The following PCDH9 variants were observed in gnomAD, a reference collection of about 807,000 sequenced individuals.
PCDH9 encodes the protein protocadherin-9.
Under a neutral mutation model 70.6 loss-of-function variants are expected in PCDH9, and 24 were observed. The ratio of observed to expected loss-of-function variants is 0.34; its 90% CI spans 0.25 to 0.48. PCDH9 has a LOEUF of 0.48. PCDH9 is among the 20% of genes least tolerant of loss of function. The pLI, the probability that PCDH9 is intolerant of heterozygous loss-of-function variation, is 0.99. For missense variants in PCDH9, 1,281 were observed against 1,503.6 expected, an observed-to-expected ratio of 0.85 and a Z score of 2.45; for synonymous variants, 562 against 558.5, an observed-to-expected ratio of 1.01 and a Z score of -0.09.
intron 2 of PCDH9, among the ~76,000 whole-genome samples, chr13:67,156,302 G>T (rs1190276014): frequency 1.3e-5 from 2 of 152,132 alleles, no homozygotes; most frequent in Non-Finnish European, 2.9e-5. Flanking sequence ...GAAGATAGAG[G>T]CAGGGGGATG....
chr13:67,172,977 A>T (rs1398395013), intron 2 of PCDH9, among the ~76,000 whole-genome samples: 3 of 152,170 alleles, frequency 2.0e-5, no homozygotes, highest in Non-Finnish European at 4.4e-5. Flanking sequence ...ACTAACTAAA[A>T]TAATGCAGAA....
At chr13:66,949,512 C>G (rs1383601649) in intron 2 of PCDH9, among the ~76,000 whole-genome samples, 1 of 151,914 alleles carries the variant, frequency 6.6e-6, no homozygotes, top group African/African-American at 2.4e-5. Context: ...ATGGAGTAGG[C>G]AGCTTATGGG....
chr13:66,963,772 T>C (rs1026872155), intron 2 of PCDH9, among the ~76,000 whole-genome samples: 4 of 152,176 alleles, frequency 2.6e-5, no homozygotes, highest in African/African-American at 9.6e-5. Flanking sequence ...AAAAACAAAA[T>C]TTAATAAGTC....
At chr13:66,985,201 A>G (rs1044182907) in intron 2 of PCDH9, among the ~76,000 whole-genome samples, 2 of 152,028 alleles carry the variant, frequency 1.3e-5, no homozygotes, top group Admixed American at 1.3e-4. Context: ...TTTATGCTCA[A>G]CCTTGACAAG....
intron 2 of PCDH9, among the ~76,000 whole-genome samples, chr13:67,121,540 A>T (rs572968592): frequency 1.3e-5 from 2 of 152,200 alleles, no homozygotes; most frequent in South Asian, 4.1e-4. Flanking sequence ...TGCCCTTTCC[A>T]CATTACTTTG....
intron 3 of PCDH9, among the ~76,000 whole-genome samples, chr13:66,837,334 A>G (rs1461010168): frequency 6.6e-6 from 1 of 152,010 alleles, no homozygotes; most frequent in African/African-American, 2.4e-5. Context: ...CTTGGTCTTC[A>G]TGAAGTAAGG....
At chr13:66,898,560 T>C (rs1566276354) in intron 3 of PCDH9, among the ~76,000 whole-genome samples, 2 of 152,024 alleles carry the variant, frequency 1.3e-5, no homozygotes, top group Admixed American at 6.6e-5. Context: ...ACTTGGGTAA[T>C]ATGACTACAT....
chr13:67,105,122 C>T (rs1836715712), intron 2 of PCDH9, among the ~76,000 whole-genome samples: 1 of 152,018 alleles, frequency 6.6e-6, no homozygotes, highest in South Asian at 2.1e-4. Context: ...TTCATTTATT[C>T]AGTATTCTAT....
intron 3 of PCDH9, among the ~76,000 whole-genome samples, chr13:66,789,946 C>T (rs537132177): frequency 6.6e-6 from 1 of 152,154 alleles, no homozygotes; most frequent in East Asian, 1.9e-4. Context: ...AGTCTAGTTA[C>T]CAATATTGTT....
chr13:66,882,292 C>A (rs1014005590), intron 3 of PCDH9, among the ~76,000 whole-genome samples: 3 of 152,146 alleles, frequency 2.0e-5, no homozygotes, highest in Non-Finnish European at 4.4e-5. Flanking sequence ...TAATGAACTT[C>A]TCCTCCATAA....
At chr13:67,082,835 A>T (rs916850783) in intron 2 of PCDH9, among the ~76,000 whole-genome samples, 6 of 152,174 alleles carry the variant, frequency 3.9e-5, no homozygotes, top group African/African-American at 1.4e-4. Context: ...CCATATACGA[A>T]TTTGTAAAGG....
intron 3 of PCDH9, among the ~76,000 whole-genome samples, chr13:66,832,761 A>G (rs187746323): frequency 6.6e-6 from 1 of 152,140 alleles, no homozygotes; most frequent in Non-Finnish European, 1.5e-5. Context: ...CAATTCAGAG[A>G]TGTTTAACCA....
At chr13:66,977,904 T>C (rs1247858844) in intron 2 of PCDH9, among the ~76,000 whole-genome samples, 1 of 152,134 alleles carries the variant, frequency 6.6e-6, no homozygotes, top group Non-Finnish European at 1.5e-5. Flanking sequence ...ATGCCGATTT[T>C]AAAGGCAAAA....
chr13:66,341,872 G>A (rs891862196), intron 4 of PCDH9, among the ~76,000 whole-genome samples: 1 of 152,152 alleles, frequency 6.6e-6, no homozygotes, highest in Non-Finnish European at 1.5e-5. Flanking sequence ...ATGTAAATAT[G>A]CACACTTGAA....
At chr13:66,419,243 C>T (rs1957519034) in intron 4 of PCDH9, among the ~76,000 whole-genome samples, 3 of 151,952 alleles carry the variant, frequency 2.0e-5, no homozygotes, top group African/African-American at 2.4e-5. Context: ...AAAGACACAA[C>T]AAAAACAGAA....
chr13:66,411,998 T>C (rs1194767410), intron 4 of PCDH9, among the ~76,000 whole-genome samples: 1 of 152,188 alleles, frequency 6.6e-6, no homozygotes, highest in Non-Finnish European at 1.5e-5. Context: ...CAAATTCTAA[T>C]GATCTACATT....
intron 4 of PCDH9, among the ~76,000 whole-genome samples, chr13:66,443,501 G>GA (rs147392144): frequency 0.011 from 1,653 of 152,068 alleles, 33 homozygotes; most frequent in African/African-American, 0.037. Context: ...CATTATAAAT[G>GA]AATTTTAAAA....
intron 2 of PCDH9, among the ~76,000 whole-genome samples, chr13:67,051,561 T>G (rs2085326670): frequency 1.3e-5 from 2 of 151,508 alleles, no homozygotes; most frequent in Admixed American, 1.3e-4. Context: ...CCCAGCTAAT[T>G]TTTTGTATTT....
intron 3 of PCDH9, among the ~76,000 whole-genome samples, chr13:66,640,157 A>G (rs999690627): frequency 6.6e-6 from 1 of 152,218 alleles, no homozygotes; most frequent in African/African-American, 2.4e-5. Flanking sequence ...AGATAAATAT[A>G]TAGACATCAC....
Sources: gnomAD v4.1 joint callset for allele counts (sites outside exome capture counted in the v4.1 genomes callset) on GRCh38, gnomAD v4.1.1 for gene constraint, MANE v1.5 for transcripts, NCBI Gene and HGNC (gene_info 2026-07-23, HGNC 2026-07-21) for gene names.